Variants in CSMD1 observed in about 807,000 individuals in gnomAD.
The protein encoded by CSMD1 is CUB and Sushi multiple domains 1.
Under a neutral mutation model 417.5 loss-of-function variants are expected in CSMD1, and 213 were observed. The ratio of observed to expected loss-of-function variants is 0.51; its 90% CI spans 0.46 to 0.57. The LOEUF is 0.57. CSMD1 is among the 20% of genes least tolerant of loss of function. CSMD1 has a pLI of 0.00. For synonymous variants in CSMD1, 2,862 were observed against 1,736.8 expected (o/e 1.65, Z -16.11); for missense variants, 6,923 against 4,529.7 (o/e 1.53, Z -15.17).
chr8:3,021,785 A>T (rs1254753527), intron 51 of CSMD1, among the ~76,000 whole-genome samples: 3 of 149,000 alleles, frequency 2.0e-5, no homozygotes, highest in African/African-American at 4.9e-5. Context: ...CTGCAATCCC[A>T]CATCCATAGC....
chr8:3,800,301 C>T (rs768551428), intron 5 of CSMD1, among the ~76,000 whole-genome samples: 1 of 152,072 alleles, frequency 6.6e-6, no homozygotes, highest in Non-Finnish European at 1.5e-5. Context: ...AGAAGTTATA[C>T]TGGGCAAATC....
At chr8:4,974,455 C>A (rs945087837) in intron 1 of CSMD1, among the ~76,000 whole-genome samples, 1 of 152,180 alleles carries the variant, frequency 6.6e-6, no homozygotes, top group East Asian at 1.9e-4. Flanking sequence ...TTTTAGCAGA[C>A]ACAGGCTATA....
At chr8:4,045,174 C>T (rs147182448) in intron 3 of CSMD1, among the ~76,000 whole-genome samples, 14 of 152,192 alleles carry the variant, frequency 9.2e-5, no homozygotes, top group African/African-American at 2.9e-4. Flanking sequence ...GCTGGGGTAC[C>T]GGGTGCTGAG....
intron 41 of CSMD1, among the ~76,000 whole-genome samples, chr8:3,123,064 T>C (rs1458588234): frequency 6.6e-6 from 1 of 152,152 alleles, no homozygotes; most frequent in Admixed American, 6.5e-5. Flanking sequence ...GTGTCCCTCA[T>C]GATTGATTGT....
At chr8:3,145,968 G>C (rs1322276599) in intron 40 of CSMD1, among the ~76,000 whole-genome samples, 2 of 152,188 alleles carry the variant, frequency 1.3e-5, no homozygotes, top group Non-Finnish European at 2.9e-5. Context: ...TGATCTCAGA[G>C]TTAAACCCTA....
In CSMD1 at chr8:3,785,872, A is replaced by G. The variant is rs529259860; in HGVS notation, c.819-31830T>C. ...GGAAGTAGAGCAATTAAAGAGGGAT[A>G]TGTCATGTTTGTGTCTAAACATTAA... On this transcript the variant is annotated intron_variant, in intron 5 of 69. Transcript: ENST00000635120. Among the ~76,000 whole-genome samples, 11 of 152,308 alleles carry G rather than the reference A, an allele frequency of 7.2e-5. No homozygotes were observed. The South Asian group carries it at 2.3e-3, about 32-fold the overall frequency.
chr8:3,920,359 T>TA (rs56406995), intron 5 of CSMD1, among the ~76,000 whole-genome samples: 1 of 150,298 alleles, frequency 6.7e-6, no homozygotes, highest in Admixed American at 6.6e-5. Flanking sequence ...GCGTGTGTGT[T>TA]TGTGTGTGTG....
rs1262537029 is a variant in CSMD1 at position 2,941,287 on chromosome 8, G to A, written c.10535+1185C>T. Among the ~76,000 whole-genome samples the A allele has an allele frequency of 2.0e-5, 3 of 152,122 alleles. No homozygotes were observed. In the South Asian group the frequency reaches 6.2e-4, roughly 32 times the overall value. On this transcript the variant is annotated intron_variant, in intron 69 of 69. Transcript: ENST00000635120. ...TTTCTCTACTGTGTATTTCAAAAGTGAATATAAGAAAGCAAATATTTAAAG... is the reference window on the plus strand; with the variant it reads ...TTTCTCTACTGTGTATTTCAAAAGTAAATATAAGAAAGCAAATATTTAAAG...
At chr8:3,924,994 T>C (rs2627402) in intron 5 of CSMD1, among the ~76,000 whole-genome samples, 1 of 151,896 alleles carries the variant, frequency 6.6e-6, no homozygotes, top group Admixed American at 6.6e-5. Flanking sequence ...CTTTAGTCCT[T>C]GCTGACTGGT....
intron 29 of CSMD1, among the ~76,000 whole-genome samples, chr8:3,217,929 C>G (rs1037910932): frequency 6.6e-6 from 1 of 152,060 alleles, no homozygotes; most frequent in Non-Finnish European, 1.5e-5. Flanking sequence ...AGAAAACCCT[C>G]CTAACTGTGA....
Position 3,201,685 on chromosome 8 carries a change from A to G in CSMD1, c.5025T>C (p.Asn1675=), listed in dbSNP as rs761811608. 13 of 1,605,678 alleles carry G rather than the reference A, an allele frequency of 8.1e-6. 1 individual carries two copies. In the East Asian group the frequency reaches 2.9e-4, roughly 36 times the overall value. The change falls in exon 32 of 70, where the codon AAT becomes AAC. Residue 1675 remains asparagine (N), a synonymous_variant. Coordinates refer to ENST00000635120, the MANE Select transcript of CSMD1 (RefSeq NM_033225.6). ...TTCCATCAAATAATTCTGCCAAATC[A>G]TTCAGGGCTGTCTGGAAATAGGCAA... is the stretch of plus-strand genomic sequence containing the variant. ...GQFAYFQTAL[N]DLAELFDGTH...
chr8:4,589,844 G>A (rs765901610), intron 2 of CSMD1, among the ~76,000 whole-genome samples: 4 of 152,128 alleles, frequency 2.6e-5, no homozygotes, highest in Non-Finnish European at 4.4e-5. Context: ...GGAATGCAGC[G>A]TATTAATAAT....
chr8:3,331,204 C>G (rs958523502), intron 23 of CSMD1, among the ~76,000 whole-genome samples: 1 of 148,912 alleles, frequency 6.7e-6, no homozygotes, highest in Admixed American at 6.7e-5. Flanking sequence ...TGCCACTGCA[C>G]TCCAGCCTGG....
At position 3,408,224 on chromosome 8, in the gene CSMD1, A is replaced by T. The variant is rs1320756610; in HGVS notation, c.1746T>A (p.Phe582Leu). The change falls in exon 14 of 70, where the codon TTT becomes TTA. Residue 582 changes from phenylalanine to leucine, a missense_variant and splice_region_variant. Coordinates refer to ENST00000635120, the MANE Select transcript of CSMD1 (RefSeq NM_033225.6). ...ATGCCGTAAAGTTGAAGAAACATGAAACTGTGAAGATGCAAATATATTTTC... is the reference window on the plus strand; with the variant it reads ...ATGCCGTAAAGTTGAAGAAACATGATACTGTGAAGATGCAAATATATTTTC... ...QWSGNKPSCV[F>L]SCFFNFTASS... 2 of 1,590,610 alleles carry T rather than the reference A, an allele frequency of 1.3e-6. No individual in the cohort carries two copies. The highest frequency in any genetic ancestry group is 8.6e-7 in the Non-Finnish European group (1 of 1,165,820).
rs543858585 is a variant in CSMD1, at chr8:3,288,476, A to C, written c.3951-4130T>G. Among the ~76,000 whole-genome samples the C allele has an allele frequency of 5.2e-4, 76 of 146,878 alleles. 2 individuals are homozygous for C. Among genetic ancestry groups the C allele is most frequent in the Non-Finnish European group, 5.7e-4 (39 of 67,952 alleles). On this transcript the variant is annotated intron_variant, in intron 25 of 69. Transcript: ENST00000635120. ...CTACTGATTATTGCCTCAATTTCAG[A>C]CCCTGTTATTGGTCTATTCAGAGAT...
At chr8:3,347,963 G>C (rs767821669) in intron 22 of CSMD1, 29 bp downstream of exon 22, 59 of 1,505,210 alleles carry the variant, frequency 3.9e-5, no homozygotes, top group Non-Finnish European at 4.6e-5. Flanking sequence ...AAAACTTGGA[G>C]TCATCATGTT....
intron 3 of CSMD1, among the ~76,000 whole-genome samples, chr8:4,303,254 T>C (rs575486852): frequency 2.0e-5 from 3 of 152,232 alleles, no homozygotes; most frequent in East Asian, 3.9e-4. Flanking sequence ...TCTACTCTCA[T>C]GAAATATAAA....
intron 15 of CSMD1, among the ~76,000 whole-genome samples, chr8:3,405,599 G>T (rs1192888004): frequency 1.3e-5 from 1 of 79,508 alleles, no homozygotes; most frequent in East Asian, 3.7e-4. Flanking sequence ...GTTAGGATAA[G>T]GTGTTGCTGG....
intron 41 of CSMD1, among the ~76,000 whole-genome samples, chr8:3,142,017 TCGATCTCC>T: frequency 6.6e-6 from 1 of 152,090 alleles, no homozygotes; most frequent in African/African-American, 2.4e-5. Context: ...CAGGATGGTC[TCGATCTCC>T]TGACCTCGTG....
Sources: gnomAD v4.1 joint callset for allele counts (sites outside exome capture counted in the v4.1 genomes callset) on GRCh38, gnomAD v4.1.1 for gene constraint, MANE v1.5 for transcripts, NCBI Gene and HGNC (gene_info 2026-07-23, HGNC 2026-07-21) for gene names.